Variants in SAMD4B observed in about 807,000 individuals in gnomAD.
SAMD4B encodes sterile alpha motif domain containing 4B, also known as protein Smaug homolog 2.
In SAMD4B, 5 loss-of-function variants were observed where a neutral mutation model predicts 74.5. That is an observed-to-expected ratio of 0.07 (90% CI 0.04 to 0.14). The LOEUF (loss-of-function observed/expected upper bound fraction) is 0.14, where lower values mean the gene tolerates loss of function less well. Ranked by LOEUF, SAMD4B falls within the 10% of genes least tolerant of loss-of-function variation. The pLI is 1.00. For missense variants in SAMD4B, 608 were observed against 921.8 expected (o/e 0.66, Z 4.41); for synonymous variants, 373 against 374.9 (o/e 1.00, Z 0.06).
At position 39,381,126 on chromosome 19, in the gene SAMD4B, A is replaced by G; in HGVS notation, c.1972+13A>G. ...ATGTTCCCTCCAGGTGAGGTGCCCC[A>G]CCCTTGGGACTCTGCCTGGCCAACA... is the stretch of plus-strand genomic sequence containing the variant. On this transcript the variant is annotated intron_variant, in intron 12 of 13. Coordinates refer to ENST00000610417, the MANE Select transcript of SAMD4B (RefSeq NM_001384574.2). The G allele has an allele frequency of 6.3e-7, 1 of 1,579,192 alleles. No homozygotes were observed. The highest frequency in any genetic ancestry group is 8.6e-7 in the Non-Finnish European group (1 of 1,165,454).
Position 39,375,539 on chromosome 19 carries a change from T to C in SAMD4B, c.668-111T>C, listed in dbSNP as rs183853107. On this transcript the variant is annotated intron_variant, in intron 4 of 13. Coordinates refer to ENST00000610417, the MANE Select transcript of SAMD4B (RefSeq NM_001384574.2). The surrounding 1 kb of genome is among the most constrained non-coding windows in gnomAD (Gnocchi z 4.1). Reference sequence around the variant, plus strand: ...TACCCTTGGACCCCAGGTCCCTTCCTCTTGGCAGGTTATGGGGCCAAACTG... The same window carrying C: ...TACCCTTGGACCCCAGGTCCCTTCCCCTTGGCAGGTTATGGGGCCAAACTG... The C allele has an allele frequency of 5.4e-4, 767 of 1,408,630 alleles. 6 individuals are homozygous for C. In the Middle Eastern group the frequency reaches 0.021, roughly 39 times the overall value. The allele number at this position is 1,408,630 out of a possible 1,614,324, so 87.3% of individuals were successfully genotyped here.
chr19:39,383,330 C>T lies in SAMD4B; in HGVS notation c.2056+39C>T. 6.2e-7 allele frequency: 1 copy of T among 1,602,906 alleles called. No individual in the cohort carries two copies. The highest frequency in any genetic ancestry group is 8.5e-7 in the Non-Finnish European group (1 of 1,169,726). ...CTTTCCCTGACCCAGCTCCCACCTA[C>T]CCAGCGTCTCTGCCTCTGAACTGAG... On this transcript the variant is annotated intron_variant, in intron 13 of 13. Coordinates refer to ENST00000610417, the MANE Select transcript of SAMD4B (RefSeq NM_001384574.2). The surrounding 1 kb of genome is among the most constrained non-coding windows in gnomAD (Gnocchi z 4.1).
chr19:39,355,468 C>T (rs2076293101), intron 2 of SAMD4B, among the ~76,000 whole-genome samples: 1 of 152,116 alleles, frequency 6.6e-6, no homozygotes, highest in African/African-American at 2.4e-5. Flanking sequence ...GTGAGTAGCT[C>T]CCTTAGACCT....
chr19:39,385,402 C>A lies in SAMD4B; in HGVS notation c.*1875C>A. The A allele has an allele frequency of 2.4e-6, 1 of 411,870 alleles. No individual in the cohort carries two copies. The highest frequency in any genetic ancestry group is 4.3e-6 in the Non-Finnish European group (1 of 233,210). The allele number at this position is 411,870 out of a possible 1,614,324, so 25.5% of individuals were successfully genotyped here. On this transcript the variant is annotated 3_prime_UTR_variant, in exon 14 of 14. Transcript: ENST00000610417. ...GGAGGTGGTGAGGGACACCGTCTCA[C>A]ACACACAGGGAGGCAAGAGCTGCCC...
intron 12 of SAMD4B, among the ~76,000 whole-genome samples, chr19:39,381,923 C>T (rs1271390976): frequency 6.6e-6 from 1 of 152,086 alleles, no homozygotes; most frequent in Admixed American, 6.6e-5. Context: ...CAGTGAGACC[C>T]CATCTCAAAA....
In SAMD4B at chr19:39,370,070, C is replaced by T; in HGVS notation, c.612C>T (p.His204=). The T allele has an allele frequency of 6.2e-7, 1 of 1,610,704 alleles. No individual in the cohort carries two copies. The highest frequency in any genetic ancestry group is 1.1e-5 in the South Asian group (1 of 90,448). ...PPRENGHVPF[H]PSSSVPPAIN... is the part of the protein sequence containing the mutation. ...GGGAAAATGGACACGTGCCCTTCCACCCATCCAGCTCAGTGCCGCCAGCCA... is the reference window on the plus strand; with the variant it reads ...GGGAAAATGGACACGTGCCCTTCCATCCATCCAGCTCAGTGCCGCCAGCCA... The change falls in exon 4 of 14, where the codon CAC becomes CAT. Residue 204 remains histidine, a synonymous_variant. Coordinates refer to ENST00000610417, the MANE Select transcript of SAMD4B (RefSeq NM_001384574.2).
chr19:39,355,039 AT>A (rs1435962489), intron 2 of SAMD4B, among the ~76,000 whole-genome samples: 1 of 151,944 alleles, frequency 6.6e-6, no homozygotes, highest in Non-Finnish European at 1.5e-5. Context: ...CGCCCGGCTA[AT>A]TTTTGTATTT....
At chr19:39,362,770 T>C (rs1369500827) in intron 3 of SAMD4B, among the ~76,000 whole-genome samples, 1 of 152,064 alleles carries the variant, frequency 6.6e-6, no homozygotes, top group Non-Finnish European at 1.5e-5. Context: ...TGGGAGACAT[T>C]TCCTGCATTT....
At chr19:39,361,164 T>C (rs1011994172) in intron 3 of SAMD4B, among the ~76,000 whole-genome samples, 4 of 152,172 alleles carry the variant, frequency 2.6e-5, no homozygotes, top group African/African-American at 4.8e-5. Flanking sequence ...CTACTTTCTT[T>C]TGGGAGAGGC....
intron 1 of SAMD4B, among the ~76,000 whole-genome samples, chr19:39,345,137 C>A (rs1411706589): frequency 6.6e-6 from 1 of 152,194 alleles, no homozygotes; most frequent in East Asian, 1.9e-4. Context: ...TTGATGCACA[C>A]GCAAGTTTGA....
chr19:39,343,655 C>G (rs1008603174), intron 1 of SAMD4B, among the ~76,000 whole-genome samples: 6 of 151,854 alleles, frequency 4.0e-5, no homozygotes, highest in Middle Eastern at 3.4e-3. Flanking sequence ...CCCTTCCCCA[C>G]CCCCACTCAT....
chr19:39,361,342 C>T (rs778727210), intron 3 of SAMD4B, among the ~76,000 whole-genome samples: 24 of 152,300 alleles, frequency 1.6e-4, no homozygotes, highest in Non-Finnish European at 2.5e-4. Context: ...CCTGGCCGGG[C>T]GCCATGGCTC....
At chr19:39,355,441 C>T (rs560183065) in intron 2 of SAMD4B, among the ~76,000 whole-genome samples, 4 of 152,250 alleles carry the variant, frequency 2.6e-5, no homozygotes, top group East Asian at 1.9e-4. Flanking sequence ...AGCAAGCGCA[C>T]GGAAGTTCAG....
downstream of SAMD4B, chr19:39,386,808 G>A (rs111958775): frequency 3.0e-5 from 48 of 1,592,342 alleles, no homozygotes; most frequent in African/African-American, 2.5e-4. This position sits in a 1 kb window ranked among gnomAD's most constrained non-coding sequence, Gnocchi z 6.1. Context: ...CCCTGCAGGG[G>A]GTGAATTTGG....
rs533427020 is a variant in SAMD4B, at chr19:39,376,401, A to G, written c.908-36A>G. On this transcript the variant is annotated intron_variant, in intron 5 of 13. Transcript: ENST00000610417. Reference sequence around the variant, plus strand: ...TCCTTTACCCTGGTAATCTGGGCCAAACTCCTGACCTTTCACTCTCCCTCC... The same window carrying G: ...TCCTTTACCCTGGTAATCTGGGCCAGACTCCTGACCTTTCACTCTCCCTCC... 10 of 1,562,770 alleles carry G rather than the reference A, an allele frequency of 6.4e-6. No individual in the cohort carries two copies. The Admixed American group carries it at 1.0e-4, about 16-fold the overall frequency.
intron 2 of SAMD4B, among the ~76,000 whole-genome samples, chr19:39,355,552 G>T (rs1431618812): frequency 2.0e-5 from 3 of 152,156 alleles, no homozygotes; most frequent in African/African-American, 4.8e-5. Context: ...GCAGCCAGAG[G>T]GGGATGGAGC....
chr19:39,376,383 C>A (rs1038570842), intron 5 of SAMD4B, 54 bp from the exon 6 acceptor site: 17 of 1,459,728 alleles, frequency 1.2e-5, no homozygotes, highest in Non-Finnish European at 1.4e-5. Flanking sequence ...TTTTCCTTTA[C>A]CCTGGTAATC....
At chr19:39,376,921 C>A (rs74394381) in intron 7 of SAMD4B, 130 bp downstream of exon 7, 9,524 of 681,682 alleles carry the variant, frequency 0.014, 452 homozygotes, top group African/African-American at 0.13. Context: ...GGGACCCAGA[C>A]TTCAGGGACC....
chr19:39,352,502 A>C (rs1405866357), intron 1 of SAMD4B: 5 of 151,990 alleles, frequency 3.3e-5, no homozygotes, highest in South Asian at 2.1e-4. Context: ...AAAAAAAAAA[A>C]AAAAAACCTA....
Sources: allele counts gnomAD v4.1 joint callset (sites outside exome capture counted in the v4.1 genomes callset), GRCh38; gene constraint gnomAD v4.1.1; non-coding constraint Gnocchi (gnomAD v3.1); transcripts MANE v1.5; gene names NCBI Gene and HGNC (gene_info 2026-07-23, HGNC 2026-07-21).